Variants in AHDC1 observed in about 807,000 individuals in gnomAD.
The protein encoded by AHDC1 is AT-hook DNA binding motif containing 1.
In AHDC1, 7 loss-of-function variants were observed where a neutral mutation model predicts 87.9. That is an observed-to-expected ratio of 0.08 (90% CI 0.05 to 0.15). The LOEUF is 0.15. Ranked by LOEUF, AHDC1 falls within the 10% of genes least tolerant of loss-of-function variation. The pLI is 1.00. For synonymous variants in AHDC1, 1,051 were observed against 1,006.8 expected, an observed-to-expected ratio of 1.04 and a Z score of -0.83; for missense variants, 1,841 against 2,253.2, an observed-to-expected ratio of 0.82 and a Z score of 3.70.
chr1:27,596,548 G>A (rs2089376671), intron 3 of AHDC1, among the ~76,000 whole-genome samples: 1 of 152,042 alleles, frequency 6.6e-6, no homozygotes, highest in Non-Finnish European at 1.5e-5. Context: ...TCCTGTTCAG[G>A]TAGCACTCAG....
intron 3 of AHDC1, among the ~76,000 whole-genome samples, chr1:27,583,069 T>C (rs899231339): frequency 2.0e-5 from 3 of 152,194 alleles, no homozygotes; most frequent in African/African-American, 7.2e-5. Flanking sequence ...GGTTTCACCA[T>C]GTTGGCCAGG....
In AHDC1 at chr1:27,552,193, C is replaced by A; in HGVS notation, c.-74-4G>T. On this transcript the variant is annotated splice_polypyrimidine_tract_variant and splice_region_variant and intron_variant, in intron 7 of 8. Coordinates refer to ENST00000673934, the MANE Select transcript of AHDC1 (RefSeq NM_001371928.1). ...TGCGAGAAGCCGGGACCAGGACCTGCCAGGCAGGAAGAGCAGGAGGTCCCT... is the reference window on the plus strand; with the variant it reads ...TGCGAGAAGCCGGGACCAGGACCTGACAGGCAGGAAGAGCAGGAGGTCCCT... 7.0e-7 allele frequency: 1 copy of A among 1,422,394 alleles called. No homozygotes were observed. The highest frequency in any genetic ancestry group is 9.2e-7 in the Non-Finnish European group (1 of 1,091,948). The allele number at this position is 1,422,394 out of a possible 1,614,324, so 88.1% of individuals were successfully genotyped here.
chr1:27,543,666 C>T (rs187207149), intron 8 of AHDC1, among the ~76,000 whole-genome samples: 6 of 152,268 alleles, frequency 3.9e-5, no homozygotes, highest in Non-Finnish European at 8.8e-5. Flanking sequence ...GGGACTGGGG[C>T]GGGTGCGGTG....
intron 3 of AHDC1, among the ~76,000 whole-genome samples, chr1:27,602,995 C>CA (rs928642712): frequency 2.1e-5 from 3 of 142,978 alleles, no homozygotes; most frequent in African/African-American, 7.6e-5. Context: ...TTCCCCCCCC[C>CA]CCCACATTCT....
intron 3 of AHDC1, among the ~76,000 whole-genome samples, chr1:27,599,025 A>C (rs1429853920): frequency 1.3e-5 from 2 of 152,176 alleles, no homozygotes; most frequent in Non-Finnish European, 2.9e-5. Flanking sequence ...CCCAAGAGGA[A>C]GGGATGGGAG....
At chr1:27,572,828 G>A (rs1380836081) in intron 3 of AHDC1, among the ~76,000 whole-genome samples, 3 of 152,072 alleles carry the variant, frequency 2.0e-5, no homozygotes, top group Admixed American at 6.5e-5. Flanking sequence ...TCAACACACC[G>A]CCCCTGCGAT....
chr1:27,551,366 G>T lies in AHDC1; in HGVS notation c.750C>A (p.Ser250=). 2 of 1,613,702 alleles carry T rather than the reference G, an allele frequency of 1.2e-6. No homozygotes were observed. The highest frequency in any genetic ancestry group is 1.7e-6 in the Non-Finnish European group (2 of 1,179,936). Residue 250 remains serine, a synonymous_variant, in exon 8 of 9, where the codon TCC becomes TCA. Transcript: ENST00000673934. ...GCAGCTGGGCCTCTGGGCAAGTGAG[G>T]GAGGCCAGCTCACTAAGGATGTCGG... ...ADADILSELA[S]LTCPEAQLLE...
At chr1:27,564,027 G>A (rs907794568) in intron 3 of AHDC1, among the ~76,000 whole-genome samples, 22 of 152,298 alleles carry the variant, frequency 1.4e-4, no homozygotes, top group Admixed American at 2.0e-4. Context: ...GGAAGAGTAT[G>A]GGATAATGGC....
At position 27,549,605 on chromosome 1, in the gene AHDC1, G is replaced by A. The variant is rs569309445; in HGVS notation, c.2511C>T (p.Thr837=). ...AATCGAGCAGCGAGCGAAAGTAGCC[G>A]GTGAAGAGGTTTTGGCGCTCCTGGC... The part of the protein sequence containing the change: ...ELSQERQNLF[T]GYFRSLLDSD... Residue 837 remains threonine (T), a synonymous_variant, in exon 8 of 9, where the codon ACC becomes ACT. Transcript: ENST00000673934. 2.9e-5 allele frequency: 46 copies of A among 1,613,072 alleles called. No homozygotes were observed. The highest frequency in any genetic ancestry group is 1.0e-4 in the Admixed American group (6 of 60,014).
At chr1:27,571,040 C>T (rs1292640735) in intron 3 of AHDC1, among the ~76,000 whole-genome samples, 1 of 152,122 alleles carries the variant, frequency 6.6e-6, no homozygotes, top group Non-Finnish European at 1.5e-5. Flanking sequence ...TGGGAGAGCT[C>T]CTTTAACCCT....
chr1:27,553,263 T>G (rs2019659702), intron 5 of AHDC1, 78 bp from the exon 6 acceptor site: 1 of 152,438 alleles, frequency 6.6e-6, no homozygotes, highest in Non-Finnish European at 1.5e-5. Context: ...TGTCCAGGCA[T>G]CGTTTCATTT....
Position 27,551,780 on chromosome 1 carries a change from G to A in AHDC1, c.336C>T (p.Asp112=), listed in dbSNP as rs1465074349. ...GDGSSSRRCW[D]NGRVNLRPVV... ...CTGGTCGCAGGTTCACCCGCCCGTT[G>A]TCCCAGCAGCGTCGGGAGCTGCTGC... Residue 112 remains aspartate, a synonymous_variant, in exon 8 of 9, where the codon GAC becomes GAT. Transcript: ENST00000673934. 2 of 1,613,374 alleles carry A rather than the reference G, an allele frequency of 1.2e-6. No individual in the cohort carries two copies. Among genetic ancestry groups the A allele is most frequent in the African/African-American group, 1.3e-5 (1 of 74,854 alleles).
chr1:27,599,409 T>TG (rs879426951), intron 3 of AHDC1, among the ~76,000 whole-genome samples: 2 of 151,996 alleles, frequency 1.3e-5, no homozygotes, highest in East Asian at 1.9e-4. Context: ...CCCCCTCCCC[T>TG]GGGGGGGCTC....
rs113173951 is a variant in AHDC1, at chr1:27,550,907, G to A, written c.1209C>T (p.Arg403=). ...LCRRRKAGRG[R]KADAGPEGRL... ...GGCCCTCGGGTCCGGCGTCTGCCTT[G>A]CGTCCCCGTCCGGCTTTCCGCCGGC... The change falls in exon 8 of 9, where the codon CGC becomes CGT. Residue 403 remains arginine (R), a synonymous_variant. Transcript: ENST00000673934. 128,191 of 1,595,450 alleles carry A rather than the reference G, an allele frequency of 0.08. 5,550 individuals carry two copies. The highest frequency in any genetic ancestry group is 0.1 in the Middle Eastern group (620 of 6,042).
intron 8 of AHDC1, among the ~76,000 whole-genome samples, chr1:27,538,349 G>A (rs2018739850): frequency 6.8e-6 from 1 of 146,100 alleles, no homozygotes; most frequent in Non-Finnish European, 1.5e-5. Flanking sequence ...GTTGCAGTGA[G>A]CTGAGATCGT....
chr1:27,541,674 G>T (rs1383756217), intron 8 of AHDC1, among the ~76,000 whole-genome samples: 2 of 149,292 alleles, frequency 1.3e-5, no homozygotes, highest in Non-Finnish European at 3.0e-5. Context: ...TTGTCACCCA[G>T]GCTGGAGTGC....
intron 8 of AHDC1, among the ~76,000 whole-genome samples, chr1:27,538,096 C>G (rs1198540239): frequency 6.6e-6 from 1 of 152,014 alleles, no homozygotes; most frequent in Non-Finnish European, 1.5e-5. Flanking sequence ...GGCAGTAGAG[C>G]AGAAGGCAAA....
intron 3 of AHDC1, among the ~76,000 whole-genome samples, chr1:27,572,539 T>C (rs892796250): frequency 6.6e-6 from 1 of 152,292 alleles, no homozygotes; most frequent in African/African-American, 2.4e-5. Context: ...CAGCCACACA[T>C]GCACTGTTCA....
At chr1:27,588,148 G>GT (rs1175300779) in intron 3 of AHDC1, among the ~76,000 whole-genome samples, 10 of 152,156 alleles carry the variant, frequency 6.6e-5, no homozygotes, top group Non-Finnish European at 2.9e-5. Flanking sequence ...ACGTCCCTCC[G>GT]TTTTCTCAGC....
Sources: gnomAD v4.1 joint callset for allele counts (sites outside exome capture counted in the v4.1 genomes callset) on GRCh38, gnomAD v4.1.1 for gene constraint, MANE v1.5 for transcripts, NCBI Gene and HGNC (gene_info 2026-07-23, HGNC 2026-07-21) for gene names.